SPIN1: variants seen among roughly 807,000 people sequenced by gnomAD.
The protein encoded by SPIN1 is spindlin-1.
In SPIN1, 3 loss-of-function variants were observed where a neutral mutation model predicts 26.0. The ratio of observed to expected loss-of-function variants is 0.12; its 90% CI spans 0.05 to 0.30. The LOEUF is 0.30. SPIN1 is among the 10% of genes least tolerant of loss of function. The probability of loss-of-function intolerance (pLI) is 1.00; values close to 1 mark genes in which losing one functional copy is unlikely to be tolerated. For missense variants in SPIN1, 126 were observed against 333.4 expected (o/e 0.38, Z 4.84); for synonymous variants, 101 against 116.5 (o/e 0.87, Z 0.86).
At chr9:88,473,317 C>T (rs1396444828) in intron 5 of SPIN1, among the ~76,000 whole-genome samples, 1 of 152,006 alleles carries the variant, frequency 6.6e-6, no homozygotes, top group African/African-American at 2.4e-5. Flanking sequence ...CACTTGAACC[C>T]GGGAGGCAGA....
chr9:88,469,128 G>A (rs1451680969), intron 5 of SPIN1, among the ~76,000 whole-genome samples: 3 of 151,992 alleles, frequency 2.0e-5, no homozygotes, highest in Non-Finnish European at 4.4e-5. Context: ...GGTTGGGTGT[G>A]GATATGGTGG....
At chr9:88,451,106 C>A (rs1404839822) in intron 3 of SPIN1, among the ~76,000 whole-genome samples, 1 of 144,086 alleles carries the variant, frequency 6.9e-6, no homozygotes, top group Non-Finnish European at 1.5e-5. Flanking sequence ...TTATGGAAAC[C>A]AAATATAAAA....
intron 5 of SPIN1, among the ~76,000 whole-genome samples, chr9:88,468,890 A>G (rs982701578): frequency 3.3e-5 from 5 of 152,176 alleles, no homozygotes; most frequent in African/African-American, 1.2e-4. Flanking sequence ...TAAAAACATG[A>G]TGGAATAGGG....
At chr9:88,399,019 G>A (rs1827129215) in intron 1 of SPIN1, among the ~76,000 whole-genome samples, 1 of 151,552 alleles carries the variant, frequency 6.6e-6, no homozygotes, top group African/African-American at 2.4e-5. Context: ...CAGTGTAGGA[G>A]GAGCTGGCTT....
chr9:88,433,472 G>T (rs11142298), intron 2 of SPIN1, among the ~76,000 whole-genome samples: 13,955 of 152,122 alleles, frequency 0.092, 863 homozygotes, highest in South Asian at 0.18. Context: ...GTTTCATTTG[G>T]AGGCTTTCCT....
At chr9:88,395,019 A>G (rs1827023682) in intron 1 of SPIN1, among the ~76,000 whole-genome samples, 1 of 151,740 alleles carries the variant, frequency 6.6e-6, no homozygotes, top group Non-Finnish European at 1.5e-5. Flanking sequence ...TATGTTAGCC[A>G]AGATGGTCTC....
chr9:88,408,376 CTTTTTTTTTTTT>C (rs1177261349), intron 1 of SPIN1, among the ~76,000 whole-genome samples: 1 of 115,438 alleles, frequency 8.7e-6, no homozygotes, highest in African/African-American at 3.8e-5. Flanking sequence ...TCCTTTTTTT[CTTTTTTTTTTTT>C]TTTTTTTGAG....
intron 2 of SPIN1, among the ~76,000 whole-genome samples, chr9:88,428,793 G>T (rs2118032987): frequency 6.6e-6 from 1 of 152,232 alleles, no homozygotes; most frequent in African/African-American, 2.4e-5. Flanking sequence ...AGATATTTTA[G>T]CATAAGAGTC....
At position 88,440,834 on chromosome 9, in the gene SPIN1, C is replaced by T. The variant is rs528816535; in HGVS notation, c.53-8107C>T. On this transcript the variant is annotated intron_variant, in intron 2 of 5. Coordinates refer to ENST00000375859, the MANE Select transcript of SPIN1 (RefSeq NM_006717.3). ...CCTCAGGTGATCCACCTGCCTTGGC[C>T]TCCCAAAGTGCTGGGATTACAGGCA... 1.7e-4 allele frequency among the ~76,000 whole-genome samples: 26 copies of T among 151,978 alleles called. 1 individual carries two copies. In the South Asian group the frequency reaches 5.4e-3, roughly 32 times the overall value.
At chr9:88,389,253 G>C (rs762953830) in intron 1 of SPIN1, 12 of 152,258 alleles carry the variant, frequency 7.9e-5, no homozygotes, top group Non-Finnish European at 1.3e-4. Flanking sequence ...GCTCTGGAGA[G>C]AGACAGGCAC....
chr9:88,450,545 T>A lies in SPIN1; in HGVS notation c.101+1556T>A, dbSNP rs181964018. Reference sequence around the variant, plus strand: ...TGCCTCATCCTAATAAGCCATACTGTTCATTAATTCATAGGTTTGATTCCC... The same window carrying A: ...TGCCTCATCCTAATAAGCCATACTGATCATTAATTCATAGGTTTGATTCCC... On this transcript the variant is annotated intron_variant, in intron 3 of 5. Transcript: ENST00000375859. 3.3e-5 allele frequency among the ~76,000 whole-genome samples: 5 copies of A among 152,306 alleles called. No individual in the cohort carries two copies. In the East Asian group the frequency reaches 9.6e-4, roughly 29 times the overall value.
intron 5 of SPIN1, among the ~76,000 whole-genome samples, chr9:88,474,515 A>G (rs575444980): frequency 4.6e-5 from 7 of 152,196 alleles, no homozygotes; most frequent in Non-Finnish European, 8.8e-5. Context: ...TAGGAAGATG[A>G]TGTGAAATGC....
intron 2 of SPIN1, among the ~76,000 whole-genome samples, chr9:88,436,263 T>G (rs1827996426): frequency 6.6e-5 from 10 of 152,182 alleles, no homozygotes; most frequent in Admixed American, 6.5e-4. Flanking sequence ...GACAGAAGAA[T>G]AATTTTAGAC....
At chr9:88,450,264 T>C (rs1828330668) in intron 3 of SPIN1, among the ~76,000 whole-genome samples, 2 of 152,210 alleles carry the variant, frequency 1.3e-5, no homozygotes, top group Admixed American at 1.3e-4. Context: ...AAATATTAGG[T>C]AATGATGAAA....
At chr9:88,422,359 A>G (rs1222807777) in intron 1 of SPIN1, among the ~76,000 whole-genome samples, 1 of 152,204 alleles carries the variant, frequency 6.6e-6, no homozygotes, top group African/African-American at 2.4e-5. Flanking sequence ...TACAAAGTTA[A>G]TCACTTAGTA....
At chr9:88,467,931 C>T (rs964694854) in intron 4 of SPIN1, among the ~76,000 whole-genome samples, 1 of 151,148 alleles carries the variant, frequency 6.6e-6, no homozygotes, top group African/African-American at 2.4e-5. Context: ...ATGTAAGATG[C>T]TAATACAGGA....
intron 2 of SPIN1, among the ~76,000 whole-genome samples, chr9:88,435,278 C>A (rs1225514941): frequency 6.6e-6 from 1 of 151,376 alleles, no homozygotes; most frequent in Admixed American, 6.6e-5. Flanking sequence ...AGCAGTGGCA[C>A]GATCATGGTT....
Position 88,478,686 on chromosome 9 carries a change from T to C in SPIN1, c.*3409T>C. ...CTTAAAACATTTAAAATAAACCCTT[T>C]ATGTGCAACTCCTGACTGTAAAGTT... On this transcript the variant is annotated 3_prime_UTR_variant, in exon 6 of 6. Transcript: ENST00000375859. 6.6e-6 allele frequency: 1 copy of C among 152,222 alleles called. No individual in the cohort carries two copies. The highest frequency in any genetic ancestry group is 1.9e-4 in the East Asian group (1 of 5,200). The allele number at this position is 152,222 out of a possible 1,614,324, so 9.4% of individuals were successfully genotyped here.
intron 2 of SPIN1, among the ~76,000 whole-genome samples, chr9:88,431,663 A>G (rs1472611621): frequency 6.6e-6 from 1 of 152,122 alleles, no homozygotes. Context: ...GGAAACTTTT[A>G]GAATTGGCTT....
Sources: gnomAD v4.1 joint callset for allele counts (sites outside exome capture counted in the v4.1 genomes callset) on GRCh38, gnomAD v4.1.1 for gene constraint, MANE v1.5 for transcripts, NCBI Gene and HGNC (gene_info 2026-07-23, HGNC 2026-07-21) for gene names.